CYLD: variants seen among roughly 807,000 people sequenced by gnomAD.
CYLD encodes CYLD lysine 63 deubiquitinase.
CYLD carries 26 observed loss-of-function variants against 104.5 expected under a neutral mutation model. That is an observed-to-expected ratio of 0.25 (90% confidence interval 0.18 to 0.35). The LOEUF (loss-of-function observed/expected upper bound fraction) is 0.35, where lower values mean the gene tolerates loss of function less well. Among genes scored for constraint, CYLD ranks in the 10% least tolerant of loss-of-function variants. The probability of loss-of-function intolerance (pLI) is 1.00; values close to 1 mark genes in which losing one functional copy is unlikely to be tolerated. For missense variants in CYLD, 703 were observed against 1,136.1 expected (o/e 0.62, Z 5.48); for synonymous variants, 385 against 399.9 (o/e 0.96, Z 0.45).
intron 14 of CYLD, 29 bp from the exon 15 acceptor site, chr16:50,791,529 T>G (rs201264607): frequency 6.2e-7 from 1 of 1,612,450 alleles, no homozygotes; most frequent in East Asian, 2.2e-5. Context: ...AAATAGGTTG[T>G]ATGTATTTTT....
chr16:50,787,039 G>A lies in CYLD; in HGVS notation c.2041+93G>A, dbSNP rs757929910. 55 of 1,089,000 alleles carry A rather than the reference G, an allele frequency of 5.1e-5. No homozygotes were observed. In the East Asian group the frequency reaches 6.6e-4, roughly 13 times the overall value. 67.5% of individuals were successfully genotyped at this position (1,089,000 alleles called of 1,614,324 possible). ...GAAATGTGTGTCTGTGTAGTTGGGG[G>A]GTTTTCTTTTAAATTAGAAATTTCT... is the stretch of plus-strand genomic sequence containing the variant. On this transcript the variant is annotated intron_variant, in intron 13 of 18. Coordinates refer to ENST00000427738, the MANE Select transcript of CYLD (RefSeq NM_001378743.1).
At chr16:50,750,276 A>C in intron 3 of CYLD, 74 bp downstream of exon 3, 1 of 1,517,596 alleles carries the variant, frequency 6.6e-7, no homozygotes. Flanking sequence ...ATGCACATAC[A>C]TATTTTTCTC....
intron 6 of CYLD, 103 bp from the exon 7 acceptor site, chr16:50,776,076 C>A: frequency 3.6e-6 from 3 of 832,080 alleles, no homozygotes; most frequent in Admixed American, 2.1e-5. Context: ...AAAAATTCTG[C>A]CTTTTTGTGG....
At chr16:50,792,023 A>G (rs1487620919) in intron 15 of CYLD, among the ~76,000 whole-genome samples, 1 of 152,220 alleles carries the variant, frequency 6.6e-6, no homozygotes, top group Non-Finnish European at 1.5e-5. Flanking sequence ...ATACATCAAA[A>G]TATAATGTTT....
At chr16:50,752,850 C>A (rs186408681) in intron 4 of CYLD, among the ~76,000 whole-genome samples, 1 of 152,204 alleles carries the variant, frequency 6.6e-6, no homozygotes, top group African/African-American at 2.4e-5. Flanking sequence ...CAGTGTGGTT[C>A]ATTGGATTAT....
rs562790753 is a variant in CYLD, at chr16:50,786,722, T to C, written c.1950-133T>C. 5.8e-6 allele frequency: 4 copies of C among 684,178 alleles called. No individual in the cohort carries two copies. In the South Asian group the frequency reaches 7.3e-5, roughly 12 times the overall value. The allele number at this position is 684,178 out of a possible 1,614,324, so 42.4% of individuals were successfully genotyped here. ...TTGCAGTGAGCTGAGATCGGGCCAC[T>C]GCACACTCCAGCCTGAGTGATAGAG... On this transcript the variant is annotated intron_variant, in intron 12 of 18. Transcript: ENST00000427738.
At chr16:50,757,279 T>C (rs1041278834) in intron 5 of CYLD, among the ~76,000 whole-genome samples, 5 of 152,214 alleles carry the variant, frequency 3.3e-5, no homozygotes, top group African/African-American at 1.2e-4. Context: ...CTTTCTGCTT[T>C]AGTTTTTAGC....
At chr16:50,781,921 G>A (rs1970255732) in intron 10 of CYLD, among the ~76,000 whole-genome samples, 1 of 152,158 alleles carries the variant, frequency 6.6e-6, no homozygotes, top group African/African-American at 2.4e-5. Flanking sequence ...GCATCTTGGG[G>A]CTTCAGCAGG....
At chr16:50,752,164 G>A (rs1480329961) in intron 4 of CYLD, among the ~76,000 whole-genome samples, 2 of 151,220 alleles carry the variant, frequency 1.3e-5, no homozygotes, top group African/African-American at 4.9e-5. Context: ...ATAGAACAGG[G>A]GTCTAGATAC....
chr16:50,781,954 A>G (rs1200332628), intron 10 of CYLD, among the ~76,000 whole-genome samples: 1 of 152,222 alleles, frequency 6.6e-6, no homozygotes, highest in Non-Finnish European at 1.5e-5. Context: ...AGCCATCTTT[A>G]TGAAAAACAC....
At chr16:50,780,201 G>T (rs147981341) in intron 9 of CYLD, among the ~76,000 whole-genome samples, 157 bp downstream of exon 9, 6 of 152,142 alleles carry the variant, frequency 3.9e-5, no homozygotes, top group East Asian at 3.9e-4. Flanking sequence ...TCCCTTTGCC[G>T]CCCCTGAAGC....
chr16:50,757,493 A>C (rs964054831), intron 5 of CYLD, among the ~76,000 whole-genome samples: 1 of 152,102 alleles, frequency 6.6e-6, no homozygotes, highest in Admixed American at 6.5e-5. Flanking sequence ...AGGAAAAAGC[A>C]TATATGTGCT....
At chr16:50,755,646 C>T (rs1281712040) in intron 5 of CYLD, among the ~76,000 whole-genome samples, 1 of 152,032 alleles carries the variant, frequency 6.6e-6, no homozygotes, top group Non-Finnish European at 1.5e-5. Flanking sequence ...GAGCATTTTC[C>T]CATATGCTTG....
At chr16:50,777,971 T>C in intron 8 of CYLD, 30 bp downstream of exon 8, 1 of 1,213,534 alleles carries the variant, frequency 8.2e-7, no homozygotes. Flanking sequence ...TTCTTTATAA[T>C]GATCCTTTCT....
intron 5 of CYLD, among the ~76,000 whole-genome samples, chr16:50,758,660 T>A (rs1967552473): frequency 6.6e-6 from 1 of 151,954 alleles, no homozygotes; most frequent in African/African-American, 2.4e-5. Context: ...CCCATCAAGA[T>A]TTGCAGATGG....
chr16:50,771,772 T>C (rs1352997842), intron 5 of CYLD, among the ~76,000 whole-genome samples: 1 of 152,230 alleles, frequency 6.6e-6, no homozygotes, highest in Non-Finnish European at 1.5e-5. Context: ...TTTTAAAAAA[T>C]CTATGGATAT....
intron 5 of CYLD, among the ~76,000 whole-genome samples, chr16:50,759,200 C>T (rs2150934863): frequency 6.6e-6 from 1 of 152,278 alleles, no homozygotes; most frequent in Middle Eastern, 3.4e-3. Context: ...TGAGATTGTG[C>T]CATTGCACTC....
intron 4 of CYLD, among the ~76,000 whole-genome samples, chr16:50,753,855 A>G (rs931643549): frequency 5.3e-5 from 8 of 152,236 alleles, no homozygotes; most frequent in African/African-American, 1.9e-4. Context: ...TATGTACAGA[A>G]AGGCATACAG....
At chr16:50,783,928 G>T (rs1970545485) in intron 11 of CYLD, 1 of 242,808 alleles carries the variant, frequency 4.1e-6, no homozygotes. Flanking sequence ...GGGAAGTGGG[G>T]CACTGAATAG....
Sources: allele counts gnomAD v4.1 joint callset (sites outside exome capture counted in the v4.1 genomes callset), GRCh38; gene constraint gnomAD v4.1.1; transcripts MANE v1.5; gene names NCBI Gene and HGNC (gene_info 2026-07-23, HGNC 2026-07-21).